Variants in GALNT17 observed in about 807,000 individuals in gnomAD.
The protein encoded by GALNT17 is UDP-GalNAc:polypeptide N-acetylgalactosaminyltransferase-like 3.
In GALNT17, 29 loss-of-function variants were observed where a neutral mutation model predicts 63.7. That is an observed-to-expected ratio of 0.46 (90% CI 0.34 to 0.62). The LOEUF is 0.62. Among genes scored for constraint, GALNT17 ranks in the 20% least tolerant of loss-of-function variants. The probability of loss-of-function intolerance (pLI) is 0.01; values close to 1 mark genes in which losing one functional copy is unlikely to be tolerated. For missense variants in GALNT17, 603 were observed against 799.6 expected (o/e 0.75, Z 2.97); for synonymous variants, 305 against 318.3 (o/e 0.96, Z 0.45).
At chr7:71,661,781 A>G (rs1232703970) in intron 6 of GALNT17, among the ~76,000 whole-genome samples, 1 of 152,152 alleles carries the variant, frequency 6.6e-6, no homozygotes, top group Non-Finnish European at 1.5e-5. Context: ...CCCAGACTCT[A>G]CAGGGAGAGC....
chr7:71,502,314 C>G (rs1026092203), intron 5 of GALNT17, among the ~76,000 whole-genome samples: 5 of 152,182 alleles, frequency 3.3e-5, no homozygotes, highest in African/African-American at 1.2e-4. Context: ...TTGACACTTT[C>G]TCCACTGAGA....
At chr7:71,206,841 C>T (rs576628810) in intron 1 of GALNT17, among the ~76,000 whole-genome samples, 28 of 152,162 alleles carry the variant, frequency 1.8e-4, no homozygotes, top group Non-Finnish European at 3.1e-4. Flanking sequence ...CGTGGTGGCT[C>T]AAGCCTGTAA....
chr7:71,648,959 A>C (rs1393022421), intron 6 of GALNT17, among the ~76,000 whole-genome samples: 1 of 152,254 alleles, frequency 6.6e-6, no homozygotes, highest in Non-Finnish European at 1.5e-5. Flanking sequence ...TGTGGAAAGC[A>C]TGAAGCCTTA....
Position 71,669,657 on chromosome 7 carries a change from G to A in GALNT17, c.1267-315G>A, listed in dbSNP as rs552941090. ...GCTCACTGCAACCTCCACCTCCTGG[G>A]TTTAAGTGATTCTCGTGCCTCAGCC... On this transcript the variant is annotated intron_variant, in intron 7 of 10. Coordinates refer to ENST00000333538, the MANE Select transcript of GALNT17 (RefSeq NM_022479.3). 1.5e-3 allele frequency among the ~76,000 whole-genome samples: 220 copies of A among 149,606 alleles called. No homozygotes were observed. The Middle Eastern group carries it at 0.024, about 16-fold the overall frequency.
intron 5 of GALNT17, among the ~76,000 whole-genome samples, chr7:71,513,619 CAA>C (rs1788400687): frequency 6.6e-6 from 1 of 152,050 alleles, no homozygotes; most frequent in Admixed American, 6.5e-5. Context: ...CTCCTGGCCT[CAA>C]GTGATTCGCC....
At chr7:71,429,399 C>A (rs1302762341) in intron 5 of GALNT17, among the ~76,000 whole-genome samples, 1 of 152,180 alleles carries the variant, frequency 6.6e-6, no homozygotes, top group African/African-American at 2.4e-5. Flanking sequence ...AGAGTGAGAG[C>A]TGGGCCTCAG....
chr7:71,310,625 A>G (rs1164243621), intron 1 of GALNT17, among the ~76,000 whole-genome samples: 1 of 152,176 alleles, frequency 6.6e-6, no homozygotes, highest in Admixed American at 6.5e-5. Context: ...CCTTTCCTTC[A>G]TGGCTAATCC....
At chr7:71,253,065 C>T (rs1790228560) in intron 1 of GALNT17, among the ~76,000 whole-genome samples, 1 of 152,196 alleles carries the variant, frequency 6.6e-6, no homozygotes, top group African/African-American at 2.4e-5. Flanking sequence ...TATTCTTCTG[C>T]CCTCTGCTTT....
chr7:71,661,114 C>G (rs1790901576), intron 6 of GALNT17, among the ~76,000 whole-genome samples: 1 of 152,158 alleles, frequency 6.6e-6, no homozygotes. Flanking sequence ...GGTTACAATG[C>G]AGGTCAGAGG....
intron 2 of GALNT17, among the ~76,000 whole-genome samples, chr7:71,361,262 C>A (rs1267716738): frequency 1.3e-5 from 2 of 152,002 alleles, no homozygotes; most frequent in African/African-American, 4.8e-5. Context: ...AATTGAAATA[C>A]AAAATAAATA....
chr7:71,401,073 C>T (rs1487134300), intron 3 of GALNT17, among the ~76,000 whole-genome samples: 1 of 151,350 alleles, frequency 6.6e-6, no homozygotes, highest in African/African-American at 2.4e-5. Context: ...TTAGTGTCCT[C>T]AATACTCTTT....
intron 1 of GALNT17, among the ~76,000 whole-genome samples, chr7:71,224,499 A>G (rs1019756288): frequency 6.6e-5 from 10 of 152,230 alleles, no homozygotes; most frequent in Admixed American, 5.9e-4. Context: ...TCCTTCCAAG[A>G]ACAGTAACCT....
At chr7:71,317,701 G>T (rs1448626767) in intron 1 of GALNT17, among the ~76,000 whole-genome samples, 3 of 152,124 alleles carry the variant, frequency 2.0e-5, no homozygotes, top group Non-Finnish European at 4.4e-5. Flanking sequence ...TGTGTATTTG[G>T]TCATTTCTTA....
At chr7:71,260,884 A>G (rs2115623641) in intron 1 of GALNT17, among the ~76,000 whole-genome samples, 1 of 152,298 alleles carries the variant, frequency 6.6e-6, no homozygotes, top group South Asian at 2.1e-4. Context: ...TGTTATAGGC[A>G]TGAGCCTCTG....
chr7:71,324,427 G>T (rs912508022), intron 1 of GALNT17, among the ~76,000 whole-genome samples: 1 of 152,178 alleles, frequency 6.6e-6, no homozygotes, highest in Non-Finnish European at 1.5e-5. Flanking sequence ...GAGGTGGGCA[G>T]ATCACCTGAG....
chr7:71,557,229 G>A (rs115297587), intron 5 of GALNT17, among the ~76,000 whole-genome samples: 2,039 of 152,100 alleles, frequency 0.013, 44 homozygotes, highest in African/African-American at 0.047. Context: ...ATCCCATAGT[G>A]CCTGCATTGA....
chr7:71,176,919 C>T (rs1562888046), intron 1 of GALNT17, among the ~76,000 whole-genome samples: 1 of 152,140 alleles, frequency 6.6e-6, no homozygotes. Context: ...CATTAAATGC[C>T]ATGCCTGCCC....
chr7:71,656,144 A>C (rs576030798), intron 6 of GALNT17, among the ~76,000 whole-genome samples: 61 of 152,272 alleles, frequency 4.0e-4, no homozygotes, highest in Middle Eastern at 3.4e-3. Flanking sequence ...GGCAGTAGGG[A>C]CACAGGATGA....
chr7:71,197,603 C>G (rs544308638), intron 1 of GALNT17, among the ~76,000 whole-genome samples: 2 of 152,146 alleles, frequency 1.3e-5, no homozygotes, highest in Admixed American at 1.3e-4. Flanking sequence ...CCCCACTCCC[C>G]TTCCCAGCCT....
Sources: allele counts gnomAD v4.1 joint callset (sites outside exome capture counted in the v4.1 genomes callset), GRCh38; gene constraint gnomAD v4.1.1; transcripts MANE v1.5; gene names NCBI Gene and HGNC (gene_info 2026-07-23, HGNC 2026-07-21).